MCTP2: variants seen among roughly 807,000 people sequenced by gnomAD.
MCTP2 encodes multiple C2 and transmembrane domain-containing protein 2.
Under a neutral mutation model 111.6 loss-of-function variants are expected in MCTP2, and 132 were observed. The ratio of observed to expected loss-of-function variants is 1.18; its 90% CI spans 1.03 to 1.37. The LOEUF (loss-of-function observed/expected upper bound fraction) is 1.37. MCTP2 is among the 40% of genes most tolerant of loss of function. The pLI is 0.00. For missense variants in MCTP2, 1,183 were observed against 1,067.9 expected (o/e 1.11, Z -1.50); for synonymous variants, 395 against 387.7 (o/e 1.02, Z -0.22).
intron 1 of MCTP2, among the ~76,000 whole-genome samples, chr15:94,248,957 T>C (rs1390745032): frequency 1.3e-5 from 2 of 152,182 alleles, no homozygotes; most frequent in East Asian, 3.8e-4. Context: ...ATTATACCTT[T>C]ATAGAAAAGC....
chr15:94,299,557 C>G (rs1436578605), intron 2 of MCTP2, among the ~76,000 whole-genome samples: 1 of 152,116 alleles, frequency 6.6e-6, no homozygotes, highest in Non-Finnish European at 1.5e-5. Context: ...AATGATGACA[C>G]AAATATTTTA....
At chr15:94,345,944 C>T (rs910600024) in intron 8 of MCTP2, among the ~76,000 whole-genome samples, 2 of 151,576 alleles carry the variant, frequency 1.3e-5, no homozygotes, top group African/African-American at 4.8e-5. Flanking sequence ...TGTGTGTGAT[C>T]GGAAGATGTA....
At chr15:94,373,885 C>T (rs949845752) in intron 12 of MCTP2, among the ~76,000 whole-genome samples, 4 of 152,186 alleles carry the variant, frequency 2.6e-5, no homozygotes, top group Non-Finnish European at 5.9e-5. Flanking sequence ...AACCAGGCCA[C>T]AGCCTTGATT....
intron 19 of MCTP2, 62 bp from the exon 20 acceptor site, chr15:94,458,075 T>C (rs2084947946): frequency 1.1e-6 from 1 of 882,136 alleles, no homozygotes; most frequent in Non-Finnish European, 1.9e-6. Flanking sequence ...TTATAATATT[T>C]TCTGTATCAG....
intron 4 of MCTP2, among the ~76,000 whole-genome samples, chr15:94,317,350 G>A (rs182241538): frequency 8.7e-4 from 133 of 152,204 alleles, no homozygotes; most frequent in Non-Finnish European, 1.5e-3. Flanking sequence ...GAGGAGAGCC[G>A]GGGCATGCTG....
intron 8 of MCTP2, among the ~76,000 whole-genome samples, chr15:94,348,399 T>G (rs1290461432): frequency 1.1e-5 from 1 of 90,188 alleles, no homozygotes. Context: ...CCCCCTTCCC[T>G]CTCCATCCCC....
intron 12 of MCTP2, among the ~76,000 whole-genome samples, chr15:94,370,543 G>C (rs1258374666): frequency 6.6e-6 from 1 of 152,186 alleles, no homozygotes; most frequent in Non-Finnish European, 1.5e-5. Context: ...GCTGCTCTCT[G>C]TGCTGAATGG....
chr15:94,448,437 C>T (rs191291099), intron 19 of MCTP2, among the ~76,000 whole-genome samples: 5 of 152,264 alleles, frequency 3.3e-5, no homozygotes, highest in African/African-American at 7.2e-5. Context: ...TCGTCAGAGG[C>T]GCTGATTTTT....
At chr15:94,399,267 G>A (rs2081433826) in intron 15 of MCTP2, among the ~76,000 whole-genome samples, 5 of 152,190 alleles carry the variant, frequency 3.3e-5, no homozygotes, top group Non-Finnish European at 2.9e-5. Flanking sequence ...TATAGAGTAT[G>A]TATACTGGTA....
intron 1 of MCTP2, among the ~76,000 whole-genome samples, chr15:94,274,665 CAAAAG>C (rs1334015352): frequency 6.6e-6 from 1 of 151,928 alleles, no homozygotes; most frequent in Admixed American, 6.6e-5. Context: ...ACAAAACTGA[CAAAAG>C]AGGAAGTAGA....
intron 22 of MCTP2, among the ~76,000 whole-genome samples, chr15:94,477,520 C>G (rs1252337952): frequency 6.6e-6 from 1 of 152,154 alleles, no homozygotes; most frequent in East Asian, 1.9e-4. Context: ...GGCAGTTTCT[C>G]TAATGGAGAA....
chr15:94,321,597 G>C (rs1304213216), intron 4 of MCTP2, among the ~76,000 whole-genome samples: 1 of 152,186 alleles, frequency 6.6e-6, no homozygotes, highest in East Asian at 1.9e-4. Flanking sequence ...CATTGAATTA[G>C]ATGCTTGGTC....
chr15:94,448,764 A>T (rs2084271040), intron 19 of MCTP2, among the ~76,000 whole-genome samples: 1 of 152,204 alleles, frequency 6.6e-6, no homozygotes, highest in South Asian at 2.1e-4. Flanking sequence ...TGGACATTGC[A>T]TCCTGATTAT....
chr15:94,420,275 T>G (rs980481184), intron 17 of MCTP2, among the ~76,000 whole-genome samples: 9 of 152,274 alleles, frequency 5.9e-5, no homozygotes, highest in Middle Eastern at 6.8e-3. Flanking sequence ...AGAGCTGTGA[T>G]GGAGATATAC....
chr15:94,402,956 T>A, intron 17 of MCTP2: 1 of 1,028,540 alleles, frequency 9.7e-7, no homozygotes, highest in Non-Finnish European at 1.2e-6. Context: ...GAATGTTCTC[T>A]CTTAGCCAAC....
At chr15:94,264,730 T>G (rs1259991436) in intron 1 of MCTP2, among the ~76,000 whole-genome samples, 1 of 152,202 alleles carries the variant, frequency 6.6e-6, no homozygotes, top group Admixed American at 6.5e-5. Flanking sequence ...ACTCACTCAG[T>G]TACTTATATG....
chr15:94,332,707 A>G (rs536166243), intron 4 of MCTP2, among the ~76,000 whole-genome samples: 42 of 150,230 alleles, frequency 2.8e-4, no homozygotes, highest in Non-Finnish European at 4.9e-4. Flanking sequence ...GCTAAAGACA[A>G]CATTTCTTTT....
At chr15:94,341,589 C>G (rs1466188828) in intron 7 of MCTP2, 1 of 152,034 alleles carries the variant, frequency 6.6e-6, no homozygotes, top group Non-Finnish European at 1.5e-5. Context: ...TCCAGTAATG[C>G]TTCTTGAATT....
In MCTP2 at chr15:94,243,317, G is replaced by A. The variant is rs184516756; in HGVS notation, c.-66+11653G>A. 1.1e-3 allele frequency among the ~76,000 whole-genome samples: 75 copies of A among 67,398 alleles called. 1 individual carries two copies. The highest frequency in any genetic ancestry group is 1.9e-3 in the South Asian group (4 of 2,084). The allele number at this position is 67,398 out of a possible 152,430, so 44.2% of individuals were successfully genotyped here. On this transcript the variant is annotated intron_variant, in intron 1 of 22. Transcript: ENST00000357742. Reference sequence around the variant, plus strand: ...TGCATATATACATACATACGTATGCGTACATACGTATGCGTATATGCGTAT... The same window carrying A: ...TGCATATATACATACATACGTATGCATACATACGTATGCGTATATGCGTAT...
Sources: allele counts gnomAD v4.1 joint callset (sites outside exome capture counted in the v4.1 genomes callset), GRCh38; gene constraint gnomAD v4.1.1; transcripts MANE v1.5; gene names NCBI Gene and HGNC (gene_info 2026-07-23, HGNC 2026-07-21).